Variants in ERCC6 observed in about 807,000 individuals in gnomAD.
ERCC6 encodes the protein ERCC excision repair 6, chromatin remodeling factor, also known as DNA excision repair protein ERCC-6.
Under a neutral mutation model 158.7 loss-of-function variants are expected in ERCC6, and 116 were observed. The ratio of observed to expected loss-of-function variants is 0.73; its 90% confidence interval spans 0.63 to 0.85. The LOEUF (loss-of-function observed/expected upper bound fraction) is 0.85, where lower values mean the gene tolerates loss of function less well. Ranked by LOEUF, ERCC6 falls within the 40% of genes least tolerant of loss-of-function variation. The pLI is 0.00. For synonymous variants in ERCC6, 678 were observed against 659.3 expected (o/e 1.03, Z -0.43); for missense variants, 1,698 against 1,799.4 (o/e 0.94, Z 1.02).
In ERCC6 at chr10:49,461,427, C is replaced by T. The variant is rs767621835; in HGVS notation, c.3908G>A (p.Arg1303Gln). 125 of 1,614,030 alleles carry T rather than the reference C, an allele frequency of 7.7e-5. No homozygotes were observed. The South Asian group carries it at 1.1e-3, about 14-fold the overall frequency. ...ALKALRLSRQRCLGAVSGVPT... is the reference protein window; with the variant it reads ...ALKALRLSRQQCLGAVSGVPT... ...AACACCAGACACTGCTCCCAGACAC[C>T]GCTGACGAGAGAGCCTCAGTGCTTT... The change falls in exon 19 of 21, where the codon CGG (arginine) becomes CAG (glutamine). Residue 1303 changes from arginine to glutamine, a missense_variant. Physicochemically the swap from Arg to Gln is conservative, Grantham distance 43. Transcript: ENST00000355832.
chr10:49,530,165 AAAG>A (rs1837435496), intron 3 of ERCC6, among the ~76,000 whole-genome samples: 1 of 152,192 alleles, frequency 6.6e-6, no homozygotes, highest in African/African-American at 2.4e-5. Context: ...AAGCCAGGCC[AAAG>A]AAATGGTGAT....
At chr10:49,519,147 GAGGTGGGGGC>G (rs1183339723) in intron 5 of ERCC6, among the ~76,000 whole-genome samples, 1 of 152,160 alleles carries the variant, frequency 6.6e-6, no homozygotes, top group East Asian at 1.9e-4. Context: ...CAGTCCAATG[GAGGTGGGGGC>G]AGCTATGTGT....
chr10:49,524,303 G>A lies in ERCC6; in HGVS notation c.1127C>T (p.Pro376Leu). The A allele has an allele frequency of 1.2e-6, 2 of 1,613,808 alleles. No homozygotes were observed. The highest frequency in any genetic ancestry group is 1.1e-5 in the South Asian group (1 of 91,068). ...TTCCTCCTCTTCCTCCTCCTCTGTG[G>A]GGAAATACTCAGACTCTTCACCCTC... Reference protein sequence around the residue: ...DSEGEESEYFPTEEEEEEEDD... With the variant: ...DSEGEESEYFLTEEEEEEEDD... The change falls in exon 5 of 21, where the codon CCC becomes CTC. Residue 376 changes from proline (P) to leucine (L), a missense_variant. Transcript: ENST00000355832.
upstream of ERCC6, among the ~76,000 whole-genome samples, chr10:49,539,202 T>C (rs1444953004): frequency 6.6e-6 from 1 of 152,248 alleles, no homozygotes; most frequent in African/African-American, 2.4e-5. Context: ...AGCGCCTTTC[T>C]ACTTGCGTGC....
At chr10:49,484,388 G>A (rs1053688701) in intron 8 of ERCC6, among the ~76,000 whole-genome samples, 3 of 151,954 alleles carry the variant, frequency 2.0e-5, no homozygotes, top group African/African-American at 7.3e-5. Flanking sequence ...GTCAGGCAGA[G>A]ACACTAAGAA....
intron 12 of ERCC6, chr10:49,475,548 G>T (rs1850862887): frequency 5.6e-6 from 2 of 357,692 alleles, no homozygotes; most frequent in Admixed American, 6.4e-5. Flanking sequence ...ATGGTTAAAA[G>T]AACTGAAATG....
chr10:49,452,021 AG>A (rs1850426515), downstream of ERCC6, among the ~76,000 whole-genome samples: 1 of 152,104 alleles, frequency 6.6e-6, no homozygotes, highest in Non-Finnish European at 1.5e-5. Context: ...TGGTCAACCT[AG>A]TGAAATATTT....
rs560946426 is a variant in ERCC6 at position 49,519,261 on chromosome 10, C to T, written c.1397+4772G>A. Among the ~76,000 whole-genome samples, 16 of 152,312 alleles carry T rather than the reference C, an allele frequency of 1.1e-4. No individual in the cohort carries two copies. In the South Asian group the frequency reaches 1.5e-3, roughly 14 times the overall value. The stretch of plus-strand genomic sequence containing the variant: ...GAAACATGTATGTAGAGGGCCCAGC[C>T]GACTTCAAATCTCAGCTCTACTTCA... On this transcript the variant is annotated intron_variant, in intron 5 of 20. Transcript: ENST00000355832.
chr10:49,446,411 T>C, the ERCC6 span, among the ~76,000 whole-genome samples: 1 of 152,096 alleles, frequency 6.6e-6, no homozygotes. Context: ...GAAAAAAGCA[T>C]TGTAAGACAA....
chr10:49,443,131 C>T, the ERCC6 span, among the ~76,000 whole-genome samples: 2 of 152,172 alleles, frequency 1.3e-5, no homozygotes, highest in African/African-American at 4.8e-5. Context: ...ACAGAACAGA[C>T]ATTGAATGGG....
chr10:49,534,472 T>A (rs550229835), intron 1 of ERCC6, among the ~76,000 whole-genome samples: 7 of 152,218 alleles, frequency 4.6e-5, no homozygotes, highest in Non-Finnish European at 8.8e-5. Flanking sequence ...TATACTGATA[T>A]AAAAGCCATG....
chr10:49,461,494 G>A lies in ERCC6; in HGVS notation c.3841C>T (p.Leu1281=). Residue 1281 remains leucine (L), a synonymous_variant, in exon 19 of 21, where the codon CTG becomes TTG. Transcript: ENST00000355832. ...IMDGASPDYV[L]VEAEANRVAQ... Reference sequence around the variant, plus strand: ...ACTCGGTTGGCTTCTGCCTCCACCAGTACATAATCTGGGCTGGCTCCATCC... The same window carrying A: ...ACTCGGTTGGCTTCTGCCTCCACCAATACATAATCTGGGCTGGCTCCATCC... 6.2e-7 allele frequency: 1 copy of A among 1,614,146 alleles called. No individual in the cohort carries two copies. The highest frequency in any genetic ancestry group is 8.5e-7 in the Non-Finnish European group (1 of 1,180,012).
At position 49,458,582 on chromosome 10, in the gene ERCC6, C is replaced by CA. The variant is rs74561842; in HGVS notation, c.*232dup. The CA allele has an allele frequency of 0.044, 18,931 of 426,516 alleles. 38 individuals carry two copies. Among genetic ancestry groups the CA allele is most frequent in the Middle Eastern group, 0.058 (89 of 1,524 alleles). 26.4% of individuals were successfully genotyped at this position (426,516 alleles called of 1,614,324 possible). Reference sequence around the variant, plus strand: ...CTGATTTACAATATAATTAGATTGCCAAAAAAAAAAAAATCAATCCAAGTA... The same window carrying CA: ...CTGATTTACAATATAATTAGATTGCCAAAAAAAAAAAAAATCAATCCAAGTA... On this transcript the variant is annotated 3_prime_UTR_variant, in exon 21 of 21. Coordinates refer to ENST00000355832, the MANE Select transcript of ERCC6 (RefSeq NM_000124.4).
chr10:49,524,957 T>C lies in ERCC6; in HGVS notation c.653-180A>G, dbSNP rs562827992. The stretch of plus-strand genomic sequence containing the variant: ...AGAATAAAATTATAGCATCATGCTA[T>C]ATTTAATATATTCCTGTTCAAAAAG... On this transcript the variant is annotated intron_variant, in intron 4 of 20. Coordinates refer to ENST00000355832, the MANE Select transcript of ERCC6 (RefSeq NM_000124.4). The C allele has an allele frequency of 1.3e-5, 18 of 1,415,048 alleles. No homozygotes were observed. In the South Asian group the frequency reaches 2.2e-4, roughly 17 times the overall value. 87.7% of individuals were successfully genotyped at this position (1,415,048 alleles called of 1,614,324 possible). A position where few individuals can be genotyped will look rare whatever the true frequency, so the allele number is the denominator to read the frequency against.
the ERCC6 span, among the ~76,000 whole-genome samples, chr10:49,446,094 T>C: frequency 1.3e-5 from 2 of 152,112 alleles, no homozygotes; most frequent in African/African-American, 4.8e-5. Context: ...ATCCAAAATA[T>C]TGAAAGTTAA....
intron 11 of ERCC6, 44 bp from the exon 12 acceptor site, chr10:49,476,354 AT>A: frequency 2.3e-6 from 3 of 1,302,782 alleles, no homozygotes; most frequent in East Asian, 2.4e-5. Flanking sequence ...CAAAAAAAAA[AT>A]TAACAGAAAT....
rs755045521 is a variant in ERCC6 at position 49,476,165 on chromosome 10, A to C, written c.2382+50T>G. The C allele has an allele frequency of 3.9e-6, 5 of 1,294,408 alleles. No homozygotes were observed. In the East Asian group the frequency reaches 1.2e-4, roughly 30 times the overall value. 80.2% of individuals were successfully genotyped at this position (1,294,408 alleles called of 1,614,324 possible). On this transcript the variant is annotated intron_variant, in intron 12 of 20. Coordinates refer to ENST00000355832, the MANE Select transcript of ERCC6 (RefSeq NM_000124.4). The stretch of plus-strand genomic sequence containing the variant: ...AGATCCTAGTTTCTTTTCCTCCCTC[A>C]CTTCTCTTGGTCCACAATTCATTTC...
rs750959894 is a variant in ERCC6, at chr10:49,471,024, C to A, written c.3021G>T (p.Leu1007=). ...KSNDLYELFT[L]TSPDASQSTE... The stretch of plus-strand genomic sequence containing the variant: ...TGCTCTGGGATGCATCAGGACTAGT[C>A]AGAGTAAATAGCTCATAGAGATCAT... Residue 1007 remains leucine (L), a synonymous_variant, in exon 17 of 21, where the codon CTG becomes CTT. Transcript: ENST00000355832. 2 of 1,613,954 alleles carry A rather than the reference C, an allele frequency of 1.2e-6. No individual in the cohort carries two copies. The highest frequency in any genetic ancestry group is 1.7e-6 in the Non-Finnish European group (2 of 1,180,032).
chr10:49,527,560 A>C (rs1179556002), intron 4 of ERCC6, among the ~76,000 whole-genome samples: 1 of 152,202 alleles, frequency 6.6e-6, no homozygotes, highest in African/African-American at 2.4e-5. Context: ...CCTGTAATCC[A>C]GCTACTTGGG....
Sources: allele counts gnomAD v4.1 joint callset (sites outside exome capture counted in the v4.1 genomes callset), GRCh38; gene constraint gnomAD v4.1.1; transcripts MANE v1.5; gene names NCBI Gene and HGNC (gene_info 2026-07-23, HGNC 2026-07-21).